PLAC9: variants seen among roughly 807,000 people sequenced by gnomAD.
PLAC9 encodes the protein placenta-specific protein 9.
In PLAC9, 12 loss-of-function variants were observed where a neutral mutation model predicts 11.5. The observed-to-expected ratio is 1.05, with a 90% CI of 0.67 to 1.69. The LOEUF (loss-of-function observed/expected upper bound fraction) is 1.69, where lower values mean the gene tolerates loss of function less well. Ranked by LOEUF, PLAC9 falls within the 40% of genes most tolerant of loss-of-function variation. The pLI, the probability that PLAC9 is intolerant of heterozygous loss-of-function variation, is 0.00. For missense variants in PLAC9, 132 were observed against 130.5 expected (o/e 1.01, Z -0.06); for synonymous variants, 62 against 58.1 (o/e 1.07, Z -0.31).
chr10:80,140,482 T>C (rs34952366), intron 1 of PLAC9, among the ~76,000 whole-genome samples: 3,702 of 152,276 alleles, frequency 0.024, 49 homozygotes, highest in South Asian at 0.038. Context: ...CTGCTGACGC[T>C]TTTCATCCTC....
chr10:80,137,685 C>G (rs1200569055), intron 1 of PLAC9, among the ~76,000 whole-genome samples: 1 of 152,164 alleles, frequency 6.6e-6, no homozygotes, highest in Non-Finnish European at 1.5e-5. Context: ...GAGGCCGAGA[C>G]AGGCGGATCA....
chr10:80,135,120 C>T (rs559333315), intron 1 of PLAC9, among the ~76,000 whole-genome samples: 7 of 150,034 alleles, frequency 4.7e-5, no homozygotes, highest in Admixed American at 4.7e-4. Context: ...CCCGGGTTCA[C>T]ACCATTCTCC....
chr10:80,139,071 C>G (rs2819882), intron 1 of PLAC9, among the ~76,000 whole-genome samples: 1 of 151,074 alleles, frequency 6.6e-6, no homozygotes, highest in African/African-American at 2.4e-5. Flanking sequence ...CCTGCCTCAG[C>G]CTCCCTAGTA....
rs114051092 is a variant in PLAC9, at chr10:80,142,716, T to C, written c.162+537T>C. On this transcript the variant is annotated intron_variant, in intron 2 of 3. Transcript: ENST00000372263. Reference sequence around the variant, plus strand: ...TAAATCATGTGATTTAGTGAGTTAATAAATACATTTTATTTTTTTTGAGGC... The same window carrying C: ...TAAATCATGTGATTTAGTGAGTTAACAAATACATTTTATTTTTTTTGAGGC... 1.2e-3 allele frequency among the ~76,000 whole-genome samples: 184 copies of C among 151,662 alleles called. 1 individual carries two copies. Among genetic ancestry groups the C allele is most frequent in the African/African-American group, 4.4e-3 (179 of 41,098 alleles).
At chr10:80,132,299 C>T (rs1162421964), upstream of PLAC9, among the ~76,000 whole-genome samples, 3 of 152,180 alleles carry the variant, frequency 2.0e-5, no homozygotes, top group African/African-American at 7.2e-5. Flanking sequence ...AGAAAAGCTG[C>T]CAAACTCCCA....
chr10:80,141,936 C>G (rs1220215322), intron 1 of PLAC9, 146 bp from the exon 2 acceptor site: 1 of 485,632 alleles, frequency 2.1e-6, no homozygotes, highest in East Asian at 3.5e-5. Context: ...GGCTGACACT[C>G]GCACACTGAC....
rs182319921 is a variant in PLAC9 at position 80,139,153 on chromosome 10, C to T, written c.65-2929C>T. 7.6e-3 allele frequency among the ~76,000 whole-genome samples: 1,162 copies of T among 152,048 alleles called. 19 individuals carry two copies. Among genetic ancestry groups the T allele is most frequent in the African/African-American group, 0.027 (1,104 of 41,470 alleles). Reference sequence around the variant, plus strand: ...ATTTTTAGTAGAGACGGGGTTTCACCGTGTTAGCCAGGATGGTCTCGATCT... The same window carrying T: ...ATTTTTAGTAGAGACGGGGTTTCACTGTGTTAGCCAGGATGGTCTCGATCT... On this transcript the variant is annotated intron_variant, in intron 1 of 3. Transcript: ENST00000372263.
chr10:80,141,459 C>T (rs1467025064), intron 1 of PLAC9, among the ~76,000 whole-genome samples: 1 of 152,044 alleles, frequency 6.6e-6, no homozygotes, highest in Non-Finnish European at 1.5e-5. Context: ...ATTAGCAGGG[C>T]GTGGTGGCAG....
rs117350106 is a variant in PLAC9 at position 80,144,184 on chromosome 10, C to T, written c.163-39C>T. ...CTAGCTGATGAAGCGGAACGTGGAA[C>T]CACTTCTGTCCTCGACTTTACCCCA... On this transcript the variant is annotated intron_variant, in intron 2 of 3. Transcript: ENST00000372263. The T allele has an allele frequency of 8.9e-3, 14,426 of 1,613,978 alleles. 711 individuals are homozygous for T. The South Asian group carries it at 0.11, about 12-fold the overall frequency.
At chr10:80,137,481 G>C (rs546506054) in intron 1 of PLAC9, among the ~76,000 whole-genome samples, 163 of 152,290 alleles carry the variant, frequency 1.1e-3, no homozygotes, top group Non-Finnish European at 1.9e-3. Context: ...GAGCCAGCAG[G>C]GGGGTATGTG....
chr10:80,145,196 G>A lies in PLAC9; in HGVS notation c.*286G>A, dbSNP rs1845089675. On this transcript the variant is annotated 3_prime_UTR_variant, in exon 4 of 4. Transcript: ENST00000372263. The stretch of plus-strand genomic sequence containing the variant: ...AGCAGGGGTTGATTCACACAGATGG[G>A]GGCCCTTTGAGTGGCCTTGCTTCTC... 5.3e-6 allele frequency: 3 copies of A among 566,716 alleles called. No homozygotes were observed. Among genetic ancestry groups the A allele is most frequent in the African/African-American group, 1.9e-5 (1 of 51,916 alleles). 35.1% of individuals were successfully genotyped at this position (566,716 alleles called of 1,614,324 possible).
chr10:80,137,732 T>C (rs150186726), intron 1 of PLAC9, among the ~76,000 whole-genome samples: 22 of 152,150 alleles, frequency 1.4e-4, no homozygotes, highest in Non-Finnish European at 2.2e-4. Context: ...CTGGGCAACG[T>C]AGTGAAATCC....
chr10:80,133,410 G>C (rs1244903954), intron 1 of PLAC9, among the ~76,000 whole-genome samples: 9 of 152,328 alleles, frequency 5.9e-5, no homozygotes, highest in African/African-American at 1.7e-4. Context: ...TGCATAAGAA[G>C]CCACACTCCA....
chr10:80,144,315 C>A lies in PLAC9; in HGVS notation c.255C>A (p.Pro85=). The A allele has an allele frequency of 1.2e-6, 2 of 1,610,766 alleles. No homozygotes were observed. The highest frequency in any genetic ancestry group is 8.5e-7 in the Non-Finnish European group (1 of 1,179,812). ...TGGCCTGGAACCTGCCCCCGGGACC[C>A]TTCAGCCCCGCTCCCGACCTTCTCG... ...EELAWNLPPG[P]FSPAPDLLGD... The change falls in exon 3 of 4, where the codon CCC becomes CCA. Residue 85 remains proline, a synonymous_variant. Coordinates refer to ENST00000372263, the MANE Select transcript of PLAC9 (RefSeq NM_001012973.3).
chr10:80,133,570 C>T (rs1844937902), intron 1 of PLAC9, among the ~76,000 whole-genome samples: 1 of 152,168 alleles, frequency 6.6e-6, no homozygotes, highest in South Asian at 2.1e-4. Flanking sequence ...GGGAGCTTCT[C>T]TGGGAAACTG....
chr10:80,144,206 C>A lies in PLAC9; in HGVS notation c.163-17C>A. Reference sequence around the variant, plus strand: ...GAACCACTTCTGTCCTCGACTTTACCCCACTTCCCACTCTAGATGGTAGAG... The same window carrying A: ...GAACCACTTCTGTCCTCGACTTTACACCACTTCCCACTCTAGATGGTAGAG... On this transcript the variant is annotated splice_polypyrimidine_tract_variant and intron_variant, in intron 2 of 3. Transcript: ENST00000372263. 1 of 1,614,100 alleles carries A rather than the reference C, an allele frequency of 6.2e-7. No homozygotes were observed. Among genetic ancestry groups the A allele is most frequent in the East Asian group, 2.2e-5 (1 of 44,866 alleles).
chr10:80,135,160 C>T (rs1443180915), intron 1 of PLAC9, among the ~76,000 whole-genome samples: 11 of 151,658 alleles, frequency 7.3e-5, no homozygotes, highest in African/African-American at 2.4e-4. Flanking sequence ...GCTGGGACTA[C>T]GGACGGCTGC....
At chr10:80,137,956 T>C (rs1844998608) in intron 1 of PLAC9, among the ~76,000 whole-genome samples, 1 of 149,350 alleles carries the variant, frequency 6.7e-6, no homozygotes, top group Admixed American at 6.7e-5. Context: ...CATAGCCTCC[T>C]CTAGACCTGC....
At position 80,145,254 on chromosome 10, in the gene PLAC9, CAG is replaced by C; in HGVS notation, c.*345_*346del. The C allele has an allele frequency of 2.2e-6, 1 of 460,340 alleles. No individual in the cohort carries two copies. The highest frequency in any genetic ancestry group is 3.8e-6 in the Non-Finnish European group (1 of 260,296). The allele number at this position is 460,340 out of a possible 1,614,324, so 28.5% of individuals were successfully genotyped here. ...GGCCATAGGTGAAAAGCAAGGGGATCAGGGTCTCAGGACCCACCCAGACTGTT... is the reference window on the plus strand; with the variant it reads ...GGCCATAGGTGAAAAGCAAGGGGATCGGTCTCAGGACCCACCCAGACTGTT... On this transcript the variant is annotated 3_prime_UTR_variant, in exon 4 of 4. Coordinates refer to ENST00000372263, the MANE Select transcript of PLAC9 (RefSeq NM_001012973.3).
Sources: gnomAD v4.1 joint callset for allele counts (sites outside exome capture counted in the v4.1 genomes callset) on GRCh38, gnomAD v4.1.1 for gene constraint, MANE v1.5 for transcripts, NCBI Gene and HGNC (gene_info 2026-07-23, HGNC 2026-07-21) for gene names.